The following SORCS3 variants were observed in gnomAD, a reference collection of about 807,000 sequenced individuals.
SORCS3 encodes VPS10 domain-containing receptor SorCS3.
SORCS3 carries 57 observed loss-of-function variants against 146.3 expected under a neutral mutation model. That is an observed-to-expected ratio of 0.39 (90% confidence interval 0.31 to 0.49). SORCS3 has a LOEUF of 0.49. Among genes scored for constraint, SORCS3 ranks in the 20% least tolerant of loss-of-function variants. The pLI is 0.92. For synonymous variants in SORCS3, 653 were observed against 618.5 expected, an observed-to-expected ratio of 1.06 and a Z score of -0.83; for missense variants, 1,341 against 1,575.5, an observed-to-expected ratio of 0.85 and a Z score of 2.52.
intron 20 of SORCS3, among the ~76,000 whole-genome samples, chr10:105,236,551 G>A (rs1186022135): frequency 6.6e-6 from 1 of 152,094 alleles, no homozygotes; most frequent in Non-Finnish European, 1.5e-5. Context: ...TCTTTTCTAA[G>A]AAACTTCTGT....
At chr10:104,933,746 C>T (rs750073480) in intron 3 of SORCS3, among the ~76,000 whole-genome samples, 10 of 152,216 alleles carry the variant, frequency 6.6e-5, no homozygotes, top group Non-Finnish European at 1.0e-4. Context: ...GGGTCTCCCA[C>T]TGATGTGTGT....
rs1564793903 is a variant in SORCS3, at chr10:105,242,841, TTTTTATATATAAATTATATATATA to T, written c.2869-2696_2869-2673del. 6.0e-3 allele frequency among the ~76,000 whole-genome samples: 623 copies of T among 104,476 alleles called. 3 individuals carry two copies. The highest frequency in any genetic ancestry group is 9.6e-3 in the Middle Eastern group (1 of 104). 68.5% of individuals were successfully genotyped at this position (104,476 alleles called of 152,430 possible). ...TTTTTATATATAAATTATATATATA[TTTTTATATATAAATTATATATATA>T]TTTTTATATATAAATTATATATAAT... On this transcript the variant is annotated intron_variant, in intron 20 of 26. Transcript: ENST00000369701.
At chr10:104,800,065 C>G (rs1449836386) in intron 1 of SORCS3, among the ~76,000 whole-genome samples, 2 of 151,976 alleles carry the variant, frequency 1.3e-5, no homozygotes, top group Non-Finnish European at 2.9e-5. Flanking sequence ...TACATAATTG[C>G]CAAAACTTGG....
chr10:105,243,355 A>G (rs1029420032), intron 20 of SORCS3, among the ~76,000 whole-genome samples: 3 of 152,108 alleles, frequency 2.0e-5, no homozygotes, highest in African/African-American at 7.2e-5. Flanking sequence ...TCAAACAGTA[A>G]CAGAGTGAGT....
chr10:105,232,390 C>T (rs1426333865), intron 20 of SORCS3, among the ~76,000 whole-genome samples: 3 of 151,890 alleles, frequency 2.0e-5, no homozygotes, highest in Non-Finnish European at 4.4e-5. Context: ...GTGATGTCCC[C>T]TCTTTCATTT....
At chr10:104,652,627 C>A (rs2015577089) in intron 1 of SORCS3, among the ~76,000 whole-genome samples, 1 of 152,142 alleles carries the variant, frequency 6.6e-6, no homozygotes, top group Non-Finnish European at 1.5e-5. Context: ...ACACGCATAC[C>A]ATGGTAGTAA....
At chr10:105,232,669 A>T (rs1005680419) in intron 20 of SORCS3, among the ~76,000 whole-genome samples, 2 of 151,764 alleles carry the variant, frequency 1.3e-5, no homozygotes, top group African/African-American at 4.8e-5. Flanking sequence ...TCAATGCTAT[A>T]AATTTCCTTC....
At chr10:104,768,688 T>A (rs953466848) in intron 1 of SORCS3, among the ~76,000 whole-genome samples, 3 of 152,246 alleles carry the variant, frequency 2.0e-5, no homozygotes. Context: ...CAGCTTCTGC[T>A]GATGGAGAAT....
rs955226412 is a variant in SORCS3 at position 105,018,520 on chromosome 10, T to C, written c.955-24535T>C. ...TTGCTGGTAGATGCAGAAGTTGGCA[T>C]AGGGCAGGAAAACAACAAATATAAA... On this transcript the variant is annotated intron_variant, in intron 4 of 26. Coordinates refer to ENST00000369701, the MANE Select transcript of SORCS3 (RefSeq NM_014978.3). Among the ~76,000 whole-genome samples, 11 of 152,348 alleles carry C rather than the reference T, an allele frequency of 7.2e-5. No homozygotes were observed. The South Asian group carries it at 1.0e-3, about 14-fold the overall frequency.
At chr10:104,900,223 T>G (rs1009387335) in intron 2 of SORCS3, among the ~76,000 whole-genome samples, 3 of 152,228 alleles carry the variant, frequency 2.0e-5, no homozygotes, top group Non-Finnish European at 4.4e-5. Flanking sequence ...CTGGCTCTGC[T>G]GGTTTCTGTC....
chr10:105,263,432 T>C lies in SORCS3; in HGVS notation c.*58T>C, dbSNP rs1261794424. ...GACTTTTTATTTTTGATGATTACTATTACTATTATTATGGAAAAATTAAAA... is the reference window on the plus strand; with the variant it reads ...GACTTTTTATTTTTGATGATTACTACTACTATTATTATGGAAAAATTAAAA... On this transcript the variant is annotated 3_prime_UTR_variant, in exon 27 of 27. Coordinates refer to ENST00000369701, the MANE Select transcript of SORCS3 (RefSeq NM_014978.3). 2.0e-5 allele frequency: 29 copies of C among 1,483,762 alleles called. No homozygotes were observed. The highest frequency in any genetic ancestry group is 2.6e-5 in the Non-Finnish European group (28 of 1,068,906). The allele number at this position is 1,483,762 out of a possible 1,614,324, so 91.9% of individuals were successfully genotyped here.
chr10:105,263,220 G>A (rs942363343), intron 26 of SORCS3, 90 bp from the exon 27 acceptor site: 4 of 1,248,208 alleles, frequency 3.2e-6, no homozygotes, highest in African/African-American at 3.0e-5. Context: ...CCTGTTCTGG[G>A]TGGCTTGGTA....
intron 5 of SORCS3, among the ~76,000 whole-genome samples, chr10:105,045,268 AC>A (rs1324944525): frequency 6.6e-6 from 1 of 152,040 alleles, no homozygotes; most frequent in Non-Finnish European, 1.5e-5. Flanking sequence ...TCTGTCATCC[AC>A]CCTCTTCCTT....
intron 4 of SORCS3, among the ~76,000 whole-genome samples, chr10:104,979,197 T>C (rs1201862462): frequency 6.6e-6 from 1 of 152,192 alleles, no homozygotes; most frequent in Non-Finnish European, 1.5e-5. Flanking sequence ...CCTCACTAGA[T>C]TACAAGCTCT....
chr10:105,091,443 G>C (rs148375439), intron 6 of SORCS3, among the ~76,000 whole-genome samples: 151 of 4,556 alleles, frequency 0.033, no homozygotes, highest in Admixed American at 0.067. Flanking sequence ...TCCTTCCTTC[G>C]TTCCTTCCTT....
Position 105,138,740 on chromosome 10 carries a change from C to G in SORCS3, c.1213-657C>G, listed in dbSNP as rs185334469. Among the ~76,000 whole-genome samples, 611 of 152,298 alleles carry G rather than the reference C, an allele frequency of 4.0e-3. 4 individuals carry two copies. The highest frequency in any genetic ancestry group is 7.3e-3 in the Admixed American group (112 of 15,300). On this transcript the variant is annotated intron_variant, in intron 7 of 26. Transcript: ENST00000369701. ...TCACAAGTGAGGTTACAGGGCTTGT[C>G]CCTGAGCCTTCTAGCCAGAGATAAC...
intron 1 of SORCS3, among the ~76,000 whole-genome samples, chr10:104,669,875 G>A (rs977876814): frequency 3.3e-5 from 5 of 150,804 alleles, no homozygotes; most frequent in Admixed American, 6.6e-5. Flanking sequence ...ATTTCTCCAC[G>A]TCCTCACCAA....
intron 1 of SORCS3, among the ~76,000 whole-genome samples, chr10:104,825,987 C>T (rs184894755): frequency 1.4e-4 from 21 of 152,284 alleles, no homozygotes; most frequent in Admixed American, 6.5e-4. Context: ...ACTTTCTTAA[C>T]AATGGCCCAT....
chr10:104,896,322 A>C (rs955030018), intron 2 of SORCS3, among the ~76,000 whole-genome samples: 1 of 152,214 alleles, frequency 6.6e-6, no homozygotes, highest in African/African-American at 2.4e-5. Context: ...TGGCCTTAAT[A>C]AAGAATCACA....
Sources: gnomAD v4.1 joint callset for allele counts (sites outside exome capture counted in the v4.1 genomes callset) on GRCh38, gnomAD v4.1.1 for gene constraint, MANE v1.5 for transcripts, NCBI Gene and HGNC (gene_info 2026-07-23, HGNC 2026-07-21) for gene names.